The following DNAJC15 variants were observed in gnomAD, a reference collection of about 807,000 sequenced individuals.
The protein encoded by DNAJC15 is DnaJ heat shock protein family (Hsp40) member C15, also known as dnaJ homolog subfamily C member 15.
Under a neutral mutation model 22.4 loss-of-function variants are expected in DNAJC15, and 27 were observed. The observed-to-expected ratio is 1.20, with a 90% CI of 0.89 to 1.66. The LOEUF is 1.66. Ranked by LOEUF, DNAJC15 falls within the 40% of genes most tolerant of loss-of-function variation. The pLI, the probability that DNAJC15 is intolerant of heterozygous loss-of-function variation, is 0.00. For synonymous variants in DNAJC15, 79 were observed against 63.2 expected (o/e 1.25, Z -1.19); for missense variants, 208 against 187.1 (o/e 1.11, Z -0.65).
chr13:43,109,526 T>C lies in DNAJC15; in HGVS notation c.*2278T>C, dbSNP rs1404017991. On this transcript the variant is annotated 3_prime_UTR_variant, in exon 6 of 6. Coordinates refer to ENST00000379221, the MANE Select transcript of DNAJC15 (RefSeq NM_013238.3). ...TAATCCATACTTTATTCATGAGAAT[T>C]TGAGTCACCCCAGCATTAGCTTGGA... 3 of 152,230 alleles carry C rather than the reference T, an allele frequency of 2.0e-5. No individual in the cohort carries two copies. Among genetic ancestry groups the C allele is most frequent in the Admixed American group, 1.3e-4 (2 of 15,272 alleles). 9.4% of individuals were successfully genotyped at this position (152,230 alleles called of 1,614,324 possible).
intron 1 of DNAJC15, among the ~76,000 whole-genome samples, chr13:43,059,679 C>T (rs1335039850): frequency 6.6e-6 from 1 of 152,226 alleles, no homozygotes; most frequent in Non-Finnish European, 1.5e-5. Context: ...TTGTGTCTCA[C>T]GTGTCCGTGT....
chr13:43,030,377 C>T (rs2040398972), intron 1 of DNAJC15, among the ~76,000 whole-genome samples: 1 of 152,186 alleles, frequency 6.6e-6, no homozygotes, highest in African/African-American at 2.4e-5. Context: ...TCAGGCTCTG[C>T]AGACCATATA....
intron 5 of DNAJC15, among the ~76,000 whole-genome samples, chr13:43,086,332 C>T (rs1346853712): frequency 6.6e-6 from 1 of 152,136 alleles, no homozygotes; most frequent in Non-Finnish European, 1.5e-5. Context: ...GTAAATTTAT[C>T]TTACAGAAAG....
intron 1 of DNAJC15, among the ~76,000 whole-genome samples, chr13:43,037,302 A>G (rs2040433568): frequency 6.6e-6 from 1 of 152,226 alleles, no homozygotes; most frequent in Non-Finnish European, 1.5e-5. Context: ...TATAAGCCGA[A>G]AAAGAGAGTT....
chr13:43,071,280 CAG>C (rs1164505746), intron 3 of DNAJC15, among the ~76,000 whole-genome samples: 2 of 152,166 alleles, frequency 1.3e-5, no homozygotes, highest in African/African-American at 4.8e-5. Flanking sequence ...TCCCTCATCT[CAG>C]AGGAGCCTTA....
chr13:43,029,041 T>A (rs1348722337), intron 1 of DNAJC15, among the ~76,000 whole-genome samples: 1 of 152,252 alleles, frequency 6.6e-6, no homozygotes, highest in Non-Finnish European at 1.5e-5. Context: ...AGCTATTAAC[T>A]TCTATTATTA....
chr13:43,077,881 G>A (rs1444552581), intron 3 of DNAJC15, among the ~76,000 whole-genome samples: 2 of 152,158 alleles, frequency 1.3e-5, no homozygotes, highest in African/African-American at 4.8e-5. Flanking sequence ...TACCGCCTTA[G>A]TTCATACCAT....
At chr13:43,029,509 G>A (rs888401330) in intron 1 of DNAJC15, among the ~76,000 whole-genome samples, 1 of 141,616 alleles carries the variant, frequency 7.1e-6, no homozygotes. Context: ...AATGCCATAG[G>A]GAATTTGTAA....
At chr13:43,069,636 G>A (rs946394839) in intron 3 of DNAJC15, among the ~76,000 whole-genome samples, 58 of 152,282 alleles carry the variant, frequency 3.8e-4, no homozygotes, top group African/African-American at 1.3e-3. Context: ...ACAATATAAA[G>A]AAAAGTCAGT....
At chr13:43,102,394 CTGAT>C (rs1341083056) in intron 5 of DNAJC15, among the ~76,000 whole-genome samples, 1 of 151,972 alleles carries the variant, frequency 6.6e-6, no homozygotes, top group Non-Finnish European at 1.5e-5. Context: ...GTTTATTCTG[CTGAT>C]TATTTCTTTT....
At chr13:43,099,492 A>G (rs1268021766) in intron 5 of DNAJC15, among the ~76,000 whole-genome samples, 2 of 152,220 alleles carry the variant, frequency 1.3e-5, no homozygotes, top group African/African-American at 2.4e-5. Context: ...GTCTTCGCTC[A>G]TTCAATCTGT....
chr13:43,107,843 G>A lies in DNAJC15; in HGVS notation c.*595G>A, dbSNP rs2040805504. 6.6e-6 allele frequency: 1 copy of A among 152,186 alleles called. No individual in the cohort carries two copies. The highest frequency in any genetic ancestry group is 1.5e-5 in the Non-Finnish European group (1 of 68,012). The allele number at this position is 152,186 out of a possible 1,614,324, so 9.4% of individuals were successfully genotyped here. On this transcript the variant is annotated 3_prime_UTR_variant, in exon 6 of 6. Transcript: ENST00000379221. ...CCTATAGCCAAAGCATGAGGACTTG[G>A]AGAGCTACTAAAATGATTCAGGTTT...
intron 1 of DNAJC15, among the ~76,000 whole-genome samples, chr13:43,054,025 A>G (rs965875100): frequency 1.3e-5 from 2 of 151,918 alleles, no homozygotes; most frequent in African/African-American, 4.8e-5. Flanking sequence ...ACTTTTCTCC[A>G]CTCAGTATTA....
intron 4 of DNAJC15, among the ~76,000 whole-genome samples, chr13:43,083,921 A>G (rs1056408630): frequency 6.6e-6 from 1 of 152,230 alleles, no homozygotes; most frequent in Non-Finnish European, 1.5e-5. Flanking sequence ...AATTCATTTT[A>G]CTCATGGAAG....
chr13:43,050,907 T>C (rs975653461), intron 1 of DNAJC15, among the ~76,000 whole-genome samples: 15 of 152,190 alleles, frequency 9.9e-5, no homozygotes, highest in Non-Finnish European at 2.1e-4. Flanking sequence ...GGTTATTTAC[T>C]GAACATCCTT....
At chr13:43,038,123 T>G (rs2040437102) in intron 1 of DNAJC15, among the ~76,000 whole-genome samples, 1 of 152,216 alleles carries the variant, frequency 6.6e-6, no homozygotes, top group Non-Finnish European at 1.5e-5. Flanking sequence ...TCTTAAATGT[T>G]TTTATGGATT....
chr13:43,110,748 T>C lies in DNAJC15; in HGVS notation c.*3500T>C, dbSNP rs1390098386. On this transcript the variant is annotated 3_prime_UTR_variant, in exon 6 of 6. Transcript: ENST00000379221. ...GAGAGCAAGGATCATATCAGTCTTG[T>C]TTATTGTTGCAGTGAACAAGTACAG... 1 of 152,102 alleles carries C rather than the reference T, an allele frequency of 6.6e-6. No individual in the cohort carries two copies. The highest frequency in any genetic ancestry group is 1.5e-5 in the Non-Finnish European group (1 of 68,012). The allele number at this position is 152,102 out of a possible 1,614,324, so 9.4% of individuals were successfully genotyped here.
intron 4 of DNAJC15, 62 bp downstream of exon 4, chr13:43,078,750 A>G: frequency 1.3e-6 from 2 of 1,486,268 alleles, no homozygotes; most frequent in African/African-American, 1.4e-5. Flanking sequence ...AAAAAGAGAA[A>G]ACGTTACAAT....
chr13:43,107,120 A>C, intron 5 of DNAJC15, 58 bp from the exon 6 acceptor site: 2 of 1,342,344 alleles, frequency 1.5e-6, no homozygotes, highest in Non-Finnish European at 2.0e-6. Context: ...TATTTTGGGG[A>C]CTTTAAAGTA....
Sources: allele counts gnomAD v4.1 joint callset (sites outside exome capture counted in the v4.1 genomes callset), GRCh38; gene constraint gnomAD v4.1.1; transcripts MANE v1.5; gene names NCBI Gene and HGNC (gene_info 2026-07-23, HGNC 2026-07-21).